Variants in TJP1 observed in about 807,000 individuals in gnomAD.
TJP1 encodes the protein tight junction protein 1.
In TJP1, 43 loss-of-function variants were observed where a neutral mutation model predicts 194.2. The ratio of observed to expected loss-of-function variants is 0.22; its 90% CI spans 0.17 to 0.29. TJP1 has a LOEUF of 0.29. Ranked by LOEUF, TJP1 falls within the 10% of genes least tolerant of loss-of-function variation. The probability of loss-of-function intolerance (pLI) is 1.00; values close to 1 mark genes in which losing one functional copy is unlikely to be tolerated. For synonymous variants in TJP1, 801 were observed against 779.0 expected (o/e 1.03, Z -0.47); for missense variants, 1,971 against 2,185.7 (o/e 0.90, Z 1.96).
At chr15:29,715,380 T>C (rs2042500583) in intron 23 of TJP1, among the ~76,000 whole-genome samples, 1 of 152,184 alleles carries the variant, frequency 6.6e-6, no homozygotes, top group Non-Finnish European at 1.5e-5. Flanking sequence ...TCTGTAAACA[T>C]AAAGCCTTAA....
intron 4 of TJP1, 91 bp from the exon 5 acceptor site, chr15:29,766,633 C>G: frequency 5.6e-6 from 7 of 1,250,930 alleles, no homozygotes; most frequent in Non-Finnish European, 7.5e-6. Flanking sequence ...ACTTCTCATC[C>G]CATATTAACT....
chr15:29,704,319 A>C lies in TJP1; in HGVS notation c.5069-14T>G. 2 of 1,580,284 alleles carry C rather than the reference A, an allele frequency of 1.3e-6. No individual in the cohort carries two copies. Among genetic ancestry groups the C allele is most frequent in the South Asian group, 2.3e-5 (2 of 86,020 alleles). ...GCAGTGTTTCACCTGGAGTTGGAAA[A>C]GGGGATAGGCAGAGAGGATGGATGT... is the stretch of plus-strand genomic sequence containing the variant. On this transcript the variant is annotated splice_polypyrimidine_tract_variant and intron_variant, in intron 26 of 27. Coordinates refer to ENST00000614355, the MANE Select transcript of TJP1 (RefSeq NM_001330239.4).
intron 7 of TJP1, 114 bp downstream of exon 7, chr15:29,761,487 T>C: frequency 1.5e-6 from 2 of 1,372,654 alleles, no homozygotes; most frequent in Non-Finnish European, 2.0e-6. Context: ...CTTATAGATT[T>C]TGAAGGTGTT....
At chr15:29,788,699 A>G (rs1416170005) in intron 2 of TJP1, among the ~76,000 whole-genome samples, 3 of 152,220 alleles carry the variant, frequency 2.0e-5, no homozygotes. Flanking sequence ...ATCTTTTAAT[A>G]CTTTAGTATA....
At chr15:29,751,881 C>T (rs893906825) in intron 8 of TJP1, among the ~76,000 whole-genome samples, 1 of 152,156 alleles carries the variant, frequency 6.6e-6, no homozygotes, top group South Asian at 2.1e-4. Context: ...GAAAACAAAT[C>T]TCAGCTGATG....
At chr15:29,832,498 A>C (rs2050867852) in intron 2 of TJP1, among the ~76,000 whole-genome samples, 1 of 152,208 alleles carries the variant, frequency 6.6e-6, no homozygotes, top group East Asian at 1.9e-4. Flanking sequence ...TGACTGACTG[A>C]TACATAAGGA....
intron 1 of TJP1, among the ~76,000 whole-genome samples, chr15:29,813,588 A>G (rs1410441254): frequency 6.6e-6 from 1 of 152,212 alleles, no homozygotes; most frequent in Non-Finnish European, 1.5e-5. Context: ...CTGTATGCGC[A>G]AAGTTCAGAG....
chr15:29,772,532 C>T (rs1356085104), intron 3 of TJP1, among the ~76,000 whole-genome samples: 2 of 152,114 alleles, frequency 1.3e-5, no homozygotes, highest in South Asian at 4.2e-4. Context: ...TCTTTTAATT[C>T]TCTTTTAATT....
At chr15:29,810,816 C>T (rs1305294155) in intron 1 of TJP1, among the ~76,000 whole-genome samples, 4 of 152,102 alleles carry the variant, frequency 2.6e-5, no homozygotes, top group Non-Finnish European at 5.9e-5. Context: ...AAAAACAGCA[C>T]GTGCAAGAGC....
Position 29,912,626 on chromosome 15 carries a change from G to A in TJP1, c.306+43606C>T, listed in dbSNP as rs192550994. The stretch of plus-strand genomic sequence containing the variant: ...GAGGCTGAGGCAGAAGTTACGGGAG[G>A]AAGAGGTTACAGTGAGCTGAGATCA... On this transcript the variant is annotated intron_variant, in intron 2 of 28. Coordinates refer to the TJP1 transcript ENST00000356107. Among the ~76,000 whole-genome samples the A allele has an allele frequency of 1.4e-3, 204 of 143,716 alleles. 2 individuals are homozygous for A. Among genetic ancestry groups the A allele is most frequent in the African/African-American group, 5.2e-3 (194 of 37,606 alleles). 94.3% of individuals were successfully genotyped at this position (143,716 alleles called of 152,430 possible).
intron 2 of TJP1, among the ~76,000 whole-genome samples, chr15:29,871,177 C>T (rs1268248822): frequency 6.6e-6 from 1 of 152,214 alleles, no homozygotes; most frequent in East Asian, 1.9e-4. Flanking sequence ...CAACTCAAGG[C>T]TCATTTAACC....
chr15:29,772,237 A>T, intron 3 of TJP1, 71 bp from the exon 4 acceptor site: 2 of 868,498 alleles, frequency 2.3e-6, no homozygotes, highest in Non-Finnish European at 3.6e-6. Context: ...GATATTTCCA[A>T]GATAGGTACT....
chr15:29,878,993 C>G (rs915955157), intron 2 of TJP1, among the ~76,000 whole-genome samples: 1 of 151,872 alleles, frequency 6.6e-6, no homozygotes, highest in Non-Finnish European at 1.5e-5. Context: ...CGTTGTGGCA[C>G]GCGCCTGTAG....
chr15:29,896,670 C>T (rs1360625485), intron 2 of TJP1, among the ~76,000 whole-genome samples: 1 of 152,138 alleles, frequency 6.6e-6, no homozygotes. Flanking sequence ...ACAAAAAATG[C>T]TGATAGTGAT....
chr15:29,784,608 G>A (rs1009557068), intron 2 of TJP1, among the ~76,000 whole-genome samples: 1 of 151,894 alleles, frequency 6.6e-6, no homozygotes, highest in South Asian at 2.1e-4. Context: ...CCGAGTCAAG[G>A]ATTTTATATT....
At chr15:29,967,579 GA>G (rs2056376640) in intron 1 of TJP1, among the ~76,000 whole-genome samples, 1 of 152,156 alleles carries the variant, frequency 6.6e-6, no homozygotes, top group African/African-American at 2.4e-5. Context: ...TGGCACAACT[GA>G]ATTCTGAACT....
chr15:29,888,060 T>C (rs2053179563), intron 2 of TJP1, among the ~76,000 whole-genome samples: 1 of 152,198 alleles, frequency 6.6e-6, no homozygotes, highest in Non-Finnish European at 1.5e-5. Context: ...TAAAGAACAG[T>C]TAAGTAAATG....
At chr15:29,790,938 T>C (rs1355129142) in intron 2 of TJP1, among the ~76,000 whole-genome samples, 1 of 152,160 alleles carries the variant, frequency 6.6e-6, no homozygotes, top group Non-Finnish European at 1.5e-5. Context: ...TATCCCTTCA[T>C]CAACTGATGT....
chr15:29,955,955 C>T (rs1347166076), intron 2 of TJP1, among the ~76,000 whole-genome samples: 1 of 151,956 alleles, frequency 6.6e-6, no homozygotes, highest in Non-Finnish European at 1.5e-5. Context: ...CACATTAATA[C>T]TCTATCGAAC....
Sources: allele counts gnomAD v4.1 joint callset (sites outside exome capture counted in the v4.1 genomes callset), GRCh38; gene constraint gnomAD v4.1.1; transcripts MANE v1.5; gene names NCBI Gene and HGNC (gene_info 2026-07-23, HGNC 2026-07-21).